The following KIF26B variants were observed in gnomAD, a reference collection of about 807,000 sequenced individuals.
The protein encoded by KIF26B is kinesin family member 26B.
Under a neutral mutation model 151.2 loss-of-function variants are expected in KIF26B, and 63 were observed. The observed-to-expected ratio is 0.42, with a 90% CI of 0.34 to 0.51. The LOEUF is 0.51. KIF26B is among the 20% of genes least tolerant of loss of function. KIF26B has a pLI of 0.07. For synonymous variants in KIF26B, 1,357 were observed against 1,262.1 expected (o/e 1.08, Z -1.59); for missense variants, 2,813 against 2,913.6 (o/e 0.97, Z 0.79).
chr1:245,185,376 T>TC (rs1214284368), intron 2 of KIF26B, among the ~76,000 whole-genome samples: 4 of 152,074 alleles, frequency 2.6e-5, no homozygotes, highest in Admixed American at 1.3e-4. Flanking sequence ...TGACCTCAGG[T>TC]AATCAGGTGG....
chr1:245,315,429 A>G (rs9428358), intron 2 of KIF26B, among the ~76,000 whole-genome samples: 8,996 of 151,536 alleles, frequency 0.059, 300 homozygotes, highest in Middle Eastern at 0.11. Context: ...TGTCTGTAAA[A>G]GAAAAAAAAA....
At chr1:245,309,963 A>G (rs1367345641) in intron 2 of KIF26B, among the ~76,000 whole-genome samples, 1 of 147,290 alleles carries the variant, frequency 6.8e-6, no homozygotes, top group Non-Finnish European at 1.5e-5. Flanking sequence ...TATATATCCT[A>G]TTAGTCCTGT....
chr1:245,161,670 A>G (rs920065401), intron 2 of KIF26B, among the ~76,000 whole-genome samples: 1 of 152,204 alleles, frequency 6.6e-6, no homozygotes, highest in East Asian at 1.9e-4. Context: ...TAAAATGAAG[A>G]TGAACGTGAT....
At chr1:245,429,170 A>C (rs1658718125) in intron 4 of KIF26B, among the ~76,000 whole-genome samples, 1 of 152,152 alleles carries the variant, frequency 6.6e-6, no homozygotes, top group African/African-American at 2.4e-5. Context: ...GATTATGGAG[A>C]GGATTAAATG....
intron 2 of KIF26B, among the ~76,000 whole-genome samples, chr1:245,317,699 G>A (rs894138899): frequency 6.6e-6 from 1 of 152,110 alleles, no homozygotes; most frequent in Admixed American, 6.6e-5. Context: ...TCACATTTCC[G>A]GTCCCTCTCC....
At chr1:245,616,066 C>G (rs891763981) in intron 9 of KIF26B, among the ~76,000 whole-genome samples, 4 of 152,192 alleles carry the variant, frequency 2.6e-5, no homozygotes, top group Non-Finnish European at 5.9e-5. Flanking sequence ...CTCATATGCA[C>G]ACATGCATTT....
chr1:245,617,301 T>C (rs1426531467), intron 9 of KIF26B, among the ~76,000 whole-genome samples: 1 of 152,228 alleles, frequency 6.6e-6, no homozygotes, highest in African/African-American at 2.4e-5. Flanking sequence ...TTTCACCATG[T>C]TGGCCACGCT....
At chr1:245,565,915 A>G (rs150600811) in intron 5 of KIF26B, among the ~76,000 whole-genome samples, 1,853 of 152,342 alleles carry the variant, frequency 0.012, 36 homozygotes, top group African/African-American at 0.042. Flanking sequence ...GCTTCCGATC[A>G]TGGCAGAAGG....
At chr1:245,447,266 A>C (rs1204254454) in intron 4 of KIF26B, among the ~76,000 whole-genome samples, 1 of 152,226 alleles carries the variant, frequency 6.6e-6, no homozygotes, top group Non-Finnish European at 1.5e-5. Context: ...CTAAGGACTC[A>C]TGGGTAATGG....
In KIF26B at chr1:245,172,173, T is replaced by C. The variant is rs1370699568; in HGVS notation, c.465+15490T>C. Among the ~76,000 whole-genome samples, 3 of 152,118 alleles carry C rather than the reference T, an allele frequency of 2.0e-5. No individual in the cohort carries two copies. In the East Asian group the frequency reaches 5.8e-4, roughly 29 times the overall value. Reference sequence around the variant, plus strand: ...AGACTTGGTGGTGGGGATGTAAAGATGACTAAGACGCAGCCCTTGCCCTCA... The same window carrying C: ...AGACTTGGTGGTGGGGATGTAAAGACGACTAAGACGCAGCCCTTGCCCTCA... On this transcript the variant is annotated intron_variant, in intron 2 of 14. Transcript: ENST00000407071.
At chr1:245,372,249 CTGA>C (rs958478600) in intron 3 of KIF26B, among the ~76,000 whole-genome samples, 1 of 152,150 alleles carries the variant, frequency 6.6e-6, no homozygotes, top group Non-Finnish European at 1.5e-5. Flanking sequence ...AATCTAATGC[CTGA>C]TGATCTGAGG....
At chr1:245,322,483 A>G (rs879744400) in intron 2 of KIF26B, among the ~76,000 whole-genome samples, 4 of 152,224 alleles carry the variant, frequency 2.6e-5, no homozygotes, top group Admixed American at 1.3e-4. Context: ...ACTCAGACAC[A>G]TGTCCTACAG....
chr1:245,402,070 C>T (rs1384302064), intron 3 of KIF26B, among the ~76,000 whole-genome samples: 3 of 152,176 alleles, frequency 2.0e-5, no homozygotes, highest in Non-Finnish European at 2.9e-5. Context: ...CCTCATGGGA[C>T]TGCAGTAGGG....
chr1:245,452,676 G>A (rs1226162651), intron 4 of KIF26B, among the ~76,000 whole-genome samples: 1 of 151,762 alleles, frequency 6.6e-6, no homozygotes, highest in East Asian at 1.9e-4. Flanking sequence ...ATTTTGATTT[G>A]CATTTCCCTA....
chr1:245,232,928 G>T (rs1160010462), intron 2 of KIF26B, among the ~76,000 whole-genome samples: 1 of 152,158 alleles, frequency 6.6e-6, no homozygotes, highest in East Asian at 1.9e-4. Flanking sequence ...CTGAGCCCCA[G>T]TGAAGCCTCA....
intron 2 of KIF26B, among the ~76,000 whole-genome samples, chr1:245,317,881 G>A (rs1399654847): frequency 6.6e-6 from 1 of 152,198 alleles, no homozygotes; most frequent in Non-Finnish European, 1.5e-5. Flanking sequence ...AACAAGAAAA[G>A]TTTGCTAACG....
rs1389842694 is a variant in KIF26B at position 245,218,931 on chromosome 1, A to T, written c.465+62248A>T. On this transcript the variant is annotated intron_variant, in intron 2 of 14. Transcript: ENST00000407071. This position sits in a 1 kb window ranked among gnomAD's most constrained non-coding sequence, Gnocchi z 4.1. Reference sequence around the variant, plus strand: ...TCCCCGGTTCTTGTTGGCATTTCTGACTTTGCCATTTCAGTTGGCACTGAC... The same window carrying T: ...TCCCCGGTTCTTGTTGGCATTTCTGTCTTTGCCATTTCAGTTGGCACTGAC... Among the ~76,000 whole-genome samples the T allele has an allele frequency of 2.0e-5, 3 of 151,870 alleles. No homozygotes were observed. The highest frequency in any genetic ancestry group is 4.4e-5 in the Non-Finnish European group (3 of 67,982).
intron 4 of KIF26B, among the ~76,000 whole-genome samples, chr1:245,532,058 A>T (rs1052909981): frequency 6.6e-6 from 1 of 152,234 alleles, no homozygotes; most frequent in Middle Eastern, 3.4e-3. Flanking sequence ...ACAGCACTCC[A>T]GCATGGTGAC....
chr1:245,367,353 C>T lies in KIF26B; in HGVS notation c.985C>T (p.Leu329=), dbSNP rs1481941017. The T allele has an allele frequency of 6.3e-7, 1 of 1,589,068 alleles. No individual in the cohort carries two copies. The highest frequency in any genetic ancestry group is 8.6e-7 in the Non-Finnish European group (1 of 1,167,930). The part of the protein sequence containing the change: ...WSLSRTNGVT[L]YPYQISQLMT... Reference sequence around the variant, plus strand: ...CCTGTCGAGAACCAACGGGGTCACCCTGTACCCATACCAGGTAAGTAGCCT... The same window carrying T: ...CCTGTCGAGAACCAACGGGGTCACCTTGTACCCATACCAGGTAAGTAGCCT... Residue 329 remains leucine, a synonymous_variant, in exon 3 of 15, where the codon CTG becomes TTG. Transcript: ENST00000407071. The surrounding 1 kb of genome is among the most constrained non-coding windows in gnomAD (Gnocchi z 4.2).
Sources: allele counts gnomAD v4.1 joint callset (sites outside exome capture counted in the v4.1 genomes callset), GRCh38; gene constraint gnomAD v4.1.1; non-coding constraint Gnocchi (gnomAD v3.1); transcripts MANE v1.5; gene names NCBI Gene and HGNC (gene_info 2026-07-23, HGNC 2026-07-21).